The following MTMR14 variants were observed in gnomAD, a reference collection of about 807,000 sequenced individuals.
MTMR14 encodes the protein phosphatidylinositol-3,5-bisphosphate 3-phosphatase MTMR14.
A neutral mutation model predicts 86.3 loss-of-function variants in MTMR14; 48 were observed. The ratio of observed to expected loss-of-function variants is 0.56; its 90% CI spans 0.44 to 0.71. The LOEUF (loss-of-function observed/expected upper bound fraction) is 0.71. MTMR14 is among the 30% of genes least tolerant of loss of function. The pLI, the probability that MTMR14 is intolerant of heterozygous loss-of-function variation, is 0.00. For missense variants in MTMR14, 780 were observed against 834.6 expected, an observed-to-expected ratio of 0.93 and a Z score of 0.81; for synonymous variants, 366 against 326.1, an observed-to-expected ratio of 1.12 and a Z score of -1.32.
At chr3:9,665,611 C>T (rs1484530920) in intron 3 of MTMR14, among the ~76,000 whole-genome samples, 1 of 152,128 alleles carries the variant, frequency 6.6e-6, no homozygotes, top group Admixed American at 6.5e-5. Context: ...TGCACAGGTA[C>T]CCCTGAATCT....
chr3:9,688,832 TAA>T, intron 15 of MTMR14, 78 bp downstream of exon 15: 3 of 1,607,564 alleles, frequency 1.9e-6, no homozygotes, highest in Non-Finnish European at 1.7e-6. Context: ...CTGTTTGTGC[TAA>T]GAGGTTTTTT....
At chr3:9,696,336 A>G (rs1206261771) in intron 17 of MTMR14, among the ~76,000 whole-genome samples, 5 of 152,108 alleles carry the variant, frequency 3.3e-5, no homozygotes, top group Non-Finnish European at 7.4e-5. Context: ...TATCTCTACT[A>G]AAAATAGACA....
chr3:9,690,993 A>G (rs1022280112), intron 17 of MTMR14, among the ~76,000 whole-genome samples: 1 of 152,230 alleles, frequency 6.6e-6, no homozygotes, highest in Non-Finnish European at 1.5e-5. Context: ...TGGTAGTAAT[A>G]GGTCTGTTAA....
At position 9,662,367 on chromosome 3, in the gene MTMR14, A is replaced by G. The variant is rs1040097421; in HGVS notation, c.409A>G (p.Lys137Glu). 4.7e-5 allele frequency: 75 copies of G among 1,612,884 alleles called. No individual in the cohort carries two copies. Among genetic ancestry groups the G allele is most frequent in the Non-Finnish European group, 5.8e-5 (68 of 1,179,516 alleles). ...GRFVCPVILF[K>E]GKHICRSATL... Reference sequence around the variant, plus strand: ...GTTTGTCTGCCCAGTAATCCTGTTCAAGGGCAAGGTAAGGCCCATACCATA... The same window carrying G: ...GTTTGTCTGCCCAGTAATCCTGTTCGAGGGCAAGGTAAGGCCCATACCATA... Residue 137 changes from lysine to glutamate, a missense_variant, in exon 3 of 19, where the codon AAG (lysine) becomes GAG (glutamate). Coordinates refer to ENST00000296003, the MANE Select transcript of MTMR14 (RefSeq NM_001077525.3).
intron 17 of MTMR14, 42 bp downstream of exon 17, chr3:9,690,185 T>A (rs2076095574): frequency 6.2e-7 from 1 of 1,608,040 alleles, no homozygotes; most frequent in African/African-American, 1.3e-5. Context: ...GTGCCTAGCT[T>A]TCCCCCTTAA....
chr3:9,667,270 G>T (rs1487953778), intron 3 of MTMR14, among the ~76,000 whole-genome samples: 1 of 152,172 alleles, frequency 6.6e-6, no homozygotes, highest in East Asian at 1.9e-4. Flanking sequence ...CAACGTCTTG[G>T]AGTCTTAGAG....
chr3:9,649,664 G>C lies in MTMR14; in HGVS notation c.81G>C (p.Leu27=), dbSNP rs760488582. 6.2e-7 allele frequency: 1 copy of C among 1,602,272 alleles called. No homozygotes were observed. The highest frequency in any genetic ancestry group is 8.5e-7 in the Non-Finnish European group (1 of 1,174,886). Residue 27 remains leucine (L), a synonymous_variant, in exon 1 of 19, where the codon CTG becomes CTC. Coordinates refer to ENST00000296003, the MANE Select transcript of MTMR14 (RefSeq NM_001077525.3). ...CAGGCAACCAGCCGCCTCAGGAGCT[G>C]GGGCTTGGGGAGCTGCTGGAGGAGT... ...ASSGNQPPQE[L]GLGELLEEFS...
At chr3:9,696,952 A>AG (rs528265279) in intron 17 of MTMR14, among the ~76,000 whole-genome samples, 1 of 152,070 alleles carries the variant, frequency 6.6e-6, no homozygotes, top group African/African-American at 2.4e-5. Context: ...AGGACAGAAG[A>AG]GGGGGGTTGG....
intron 2 of MTMR14, among the ~76,000 whole-genome samples, chr3:9,658,188 A>G (rs933469775): frequency 6.6e-6 from 1 of 152,200 alleles, no homozygotes; most frequent in African/African-American, 2.4e-5. Flanking sequence ...GTGGGAAGAA[A>G]TAGCATTTTT....
At chr3:9,649,888 G>A (rs2047178996) in intron 1 of MTMR14, 146 bp downstream of exon 1, 3 of 1,519,428 alleles carry the variant, frequency 2.0e-6, no homozygotes, top group Middle Eastern at 2.1e-4. Context: ...TCCAGGGTCT[G>A]TATCCGGAGT....
At position 9,675,676 on chromosome 3, in the gene MTMR14, T is replaced by C. The variant is rs1405373881; in HGVS notation, c.752-1641T>C. ...GTGGTTCCGAAGCCTATTCAGGTAATGAACATTAGGCATTTGCCCTGAGTA... is the reference window on the plus strand; with the variant it reads ...GTGGTTCCGAAGCCTATTCAGGTAACGAACATTAGGCATTTGCCCTGAGTA... On this transcript the variant is annotated intron_variant, in intron 7 of 18. Coordinates refer to ENST00000296003, the MANE Select transcript of MTMR14 (RefSeq NM_001077525.3). 1.1e-5 allele frequency: 5 copies of C among 457,306 alleles called. No homozygotes were observed. The East Asian group carries it at 3.5e-4, about 32-fold the overall frequency. 28.3% of individuals were successfully genotyped at this position (457,306 alleles called of 1,614,324 possible).
At chr3:9,669,638 G>C (rs1351460120) in intron 5 of MTMR14, 146 bp downstream of exon 5, 2 of 825,384 alleles carry the variant, frequency 2.4e-6, no homozygotes, top group Non-Finnish European at 3.7e-6. Flanking sequence ...CCAAGTCTGT[G>C]CCCCTGAAAT....
At chr3:9,697,568 C>CTTTTTTTTTT in intron 17 of MTMR14, 143 bp from the exon 18 acceptor site, 3 of 801,800 alleles carry the variant, frequency 3.7e-6, no homozygotes, top group Non-Finnish European at 3.7e-6. Context: ...ACTTGTCCAG[C>CTTTTTTTTTT]TTTTTTTTTT....
intron 17 of MTMR14, among the ~76,000 whole-genome samples, chr3:9,693,294 CTG>C (rs1334455708): frequency 7.0e-6 from 1 of 142,632 alleles, no homozygotes; most frequent in Non-Finnish European, 1.5e-5. Flanking sequence ...AGCACTGACA[CTG>C]TATCAGATAA....
chr3:9,698,171 CATG>C (rs2076342002), intron 18 of MTMR14, among the ~76,000 whole-genome samples: 1 of 152,240 alleles, frequency 6.6e-6, no homozygotes, highest in South Asian at 2.1e-4. Flanking sequence ...CTTTGCCTGA[CATG>C]AGAATCGTTT....
chr3:9,697,824 C>G lies in MTMR14; in HGVS notation c.1727C>G (p.Ser576Cys). 2 of 1,614,230 alleles carry G rather than the reference C, an allele frequency of 1.2e-6. No individual in the cohort carries two copies. Among genetic ancestry groups the G allele is most frequent in the Non-Finnish European group, 1.7e-6 (2 of 1,180,050 alleles). ...QERAVLHTDS[S>C]LPFSFPDELP... ...CGGGCTGTCCTGCACACAGACTCCT[C>G]TCTCCCTTTCAGCTTCCCGGATGAG... The change falls in exon 18 of 19, where the codon TCT becomes TGT. Residue 576 changes from serine to cysteine, a missense_variant. Transcript: ENST00000296003.
rs542584019 is a variant in MTMR14 at position 9,663,748 on chromosome 3, T to G, written c.417+1373T>G. On this transcript the variant is annotated intron_variant, in intron 3 of 18. Transcript: ENST00000296003. ...CAGGATTGTCTCGATCTCCTGACCTTGTGATCCTCCTGCCTCGGCCTCCCA... is the reference window on the plus strand; with the variant it reads ...CAGGATTGTCTCGATCTCCTGACCTGGTGATCCTCCTGCCTCGGCCTCCCA... Among the ~76,000 whole-genome samples the G allele has an allele frequency of 2.6e-5, 4 of 151,450 alleles. No homozygotes were observed. In the East Asian group the frequency reaches 7.9e-4, roughly 30 times the overall value.
rs1575045615 is a variant in MTMR14 at position 9,684,976 on chromosome 3, C to A, written c.1127+12C>A. On this transcript the variant is annotated intron_variant, in intron 12 of 18. Coordinates refer to ENST00000296003, the MANE Select transcript of MTMR14 (RefSeq NM_001077525.3). ...TGGTTCCTCTTCGGGTAAGCCTTTG[C>A]AGGAGTTGGGTTTTGGGGCCTTAGT... 6.2e-7 allele frequency: 1 copy of A among 1,613,660 alleles called. No homozygotes were observed. The highest frequency in any genetic ancestry group is 2.2e-5 in the East Asian group (1 of 44,860).
In MTMR14 at chr3:9,702,271, C is replaced by T; in HGVS notation, c.*298C>T. ...GGGTTTCCCTGGGGCCTTGTGGAAG[C>T]CATGACTTCACAAAGACCCTACCTG... On this transcript the variant is annotated 3_prime_UTR_variant, in exon 19 of 19. Coordinates refer to ENST00000296003, the MANE Select transcript of MTMR14 (RefSeq NM_001077525.3). The T allele has an allele frequency of 2.1e-6, 1 of 481,456 alleles. No individual in the cohort carries two copies. Among genetic ancestry groups the T allele is most frequent in the Non-Finnish European group, 3.8e-6 (1 of 262,092 alleles). The allele number at this position is 481,456 out of a possible 1,614,324, so 29.8% of individuals were successfully genotyped here. A position where few individuals can be genotyped will look rare whatever the true frequency, so the allele number is the denominator to read the frequency against.
Sources: allele counts gnomAD v4.1 joint callset (sites outside exome capture counted in the v4.1 genomes callset), GRCh38; gene constraint gnomAD v4.1.1; transcripts MANE v1.5; gene names NCBI Gene and HGNC (gene_info 2026-07-23, HGNC 2026-07-21).